TMEM181: variants seen among roughly 807,000 people sequenced by gnomAD.
TMEM181 encodes the protein transmembrane protein 181, also known as G protein-coupled receptor 178.
TMEM181 carries 39 observed loss-of-function variants against 71.9 expected under a neutral mutation model. That is an observed-to-expected ratio of 0.54 (90% CI 0.42 to 0.71). The LOEUF (loss-of-function observed/expected upper bound fraction) is 0.71, where lower values mean the gene tolerates loss of function less well. TMEM181 is among the 30% of genes least tolerant of loss of function. TMEM181 has a pLI of 0.00. For missense variants in TMEM181, 595 were observed against 583.0 expected, an observed-to-expected ratio of 1.02 and a Z score of -0.21; for synonymous variants, 245 against 228.8, an observed-to-expected ratio of 1.07 and a Z score of -0.64.
At chr6:158,583,291 A>G (rs569537637) in intron 3 of TMEM181, among the ~76,000 whole-genome samples, 1 of 152,252 alleles carries the variant, frequency 6.6e-6, no homozygotes, top group South Asian at 2.1e-4. Flanking sequence ...TTCCTTTGGT[A>G]TTCTTTATTG....
chr6:158,539,056 A>G (rs1336586777), intron 1 of TMEM181, among the ~76,000 whole-genome samples: 1 of 152,192 alleles, frequency 6.6e-6, no homozygotes, highest in Non-Finnish European at 1.5e-5. Context: ...GACAAGTGAC[A>G]TCAGCAATTT....
chr6:158,612,097 C>T (rs1199181332), intron 10 of TMEM181, among the ~76,000 whole-genome samples: 3 of 152,130 alleles, frequency 2.0e-5, no homozygotes, highest in Non-Finnish European at 4.4e-5. Context: ...CATTTACACT[C>T]CCAAAACATG....
chr6:158,593,394 T>C (rs558603029), intron 6 of TMEM181, among the ~76,000 whole-genome samples: 208 of 152,324 alleles, frequency 1.4e-3, no homozygotes, highest in African/African-American at 4.7e-3. Flanking sequence ...GTGTTTTCCT[T>C]TATTTCCCGT....
chr6:158,616,373 G>A (rs1016537109), intron 10 of TMEM181, among the ~76,000 whole-genome samples: 4 of 152,182 alleles, frequency 2.6e-5, no homozygotes, highest in African/African-American at 9.7e-5. Flanking sequence ...ATCAGCTTAA[G>A]GAGATTTTGG....
intron 10 of TMEM181, among the ~76,000 whole-genome samples, chr6:158,611,980 C>CCT (rs1785349945): frequency 7.1e-6 from 1 of 141,444 alleles, no homozygotes; most frequent in Non-Finnish European, 1.5e-5. Flanking sequence ...AGGGATACCC[C>CCT]CCCCACCTCC....
At chr6:158,631,010 G>A (rs1786632533) in intron 15 of TMEM181, among the ~76,000 whole-genome samples, 1 of 152,228 alleles carries the variant, frequency 6.6e-6, no homozygotes, top group Admixed American at 6.5e-5. Flanking sequence ...CTCTCCTGGG[G>A]CCTATGTTCA....
intron 1 of TMEM181, among the ~76,000 whole-genome samples, chr6:158,543,604 T>G (rs1467659041): frequency 6.6e-6 from 1 of 152,242 alleles, no homozygotes; most frequent in Non-Finnish European, 1.5e-5. Flanking sequence ...GCTTCAGGCT[T>G]GGCTTGTAGA....
At chr6:158,616,890 T>C (rs1785646224) in intron 10 of TMEM181, among the ~76,000 whole-genome samples, 1 of 152,238 alleles carries the variant, frequency 6.6e-6, no homozygotes, top group Non-Finnish European at 1.5e-5. Context: ...GGTTTGCCAG[T>C]ATTTTATTGA....
At chr6:158,563,331 T>A (rs6924508) in intron 1 of TMEM181, among the ~76,000 whole-genome samples, 93,781 of 151,896 alleles carry the variant, frequency 0.62, 29,833 homozygotes, top group African/African-American at 0.77. Flanking sequence ...TTTAGTAGAG[T>A]CAGGGTTTCA....
intron 6 of TMEM181, among the ~76,000 whole-genome samples, chr6:158,597,643 C>G (rs1258802786): frequency 6.6e-6 from 1 of 152,150 alleles, no homozygotes; most frequent in Non-Finnish European, 1.5e-5. Flanking sequence ...TGGAACCAGA[C>G]AGGCACACAC....
chr6:158,594,099 C>CTTTT (rs60295531), intron 6 of TMEM181, among the ~76,000 whole-genome samples: 11 of 114,034 alleles, frequency 9.6e-5, no homozygotes, highest in Non-Finnish European at 1.9e-4. Flanking sequence ...ATGGTTTTGC[C>CTTTT]TTTTTTTTTT....
chr6:158,554,689 T>G (rs1314136286), intron 1 of TMEM181, among the ~76,000 whole-genome samples: 1 of 152,212 alleles, frequency 6.6e-6, no homozygotes, highest in Non-Finnish European at 1.5e-5. Context: ...GGGTCCATGC[T>G]AGATCTTACC....
At chr6:158,618,996 T>C (rs1273533110) in intron 10 of TMEM181, among the ~76,000 whole-genome samples, 1 of 152,204 alleles carries the variant, frequency 6.6e-6, no homozygotes, top group Non-Finnish European at 1.5e-5. Flanking sequence ...AGGAGTATCT[T>C]TGTGGCGTTC....
chr6:158,606,089 C>T (rs1784931848), intron 7 of TMEM181, among the ~76,000 whole-genome samples: 1 of 151,994 alleles, frequency 6.6e-6, no homozygotes. Flanking sequence ...GACACAGGCG[C>T]GTGCACATGT....
rs573529137 is a variant in TMEM181 at position 158,574,758 on chromosome 6, C to G, written c.112+1235C>G. 9.8e-5 allele frequency among the ~76,000 whole-genome samples: 15 copies of G among 152,296 alleles called. 1 individual carries two copies. The South Asian group carries it at 2.9e-3, about 29-fold the overall frequency. On this transcript the variant is annotated intron_variant, in intron 2 of 16. Transcript: ENST00000684151. The stretch of plus-strand genomic sequence containing the variant: ...CCTATCTGCCTGCCTGCCTGCCTGT[C>G]TATCCTGTCTGTCTGTCTGTCCTGC...
At chr6:158,628,815 G>A (rs1370955707) in intron 14 of TMEM181, among the ~76,000 whole-genome samples, 1 of 152,226 alleles carries the variant, frequency 6.6e-6, no homozygotes, top group Non-Finnish European at 1.5e-5. Flanking sequence ...AGAGGGGCAG[G>A]TGCTGTGAGG....
At chr6:158,546,019 C>T (rs1468338079) in intron 1 of TMEM181, among the ~76,000 whole-genome samples, 2 of 152,166 alleles carry the variant, frequency 1.3e-5, no homozygotes, top group Non-Finnish European at 1.5e-5. Flanking sequence ...TGACCAGTTT[C>T]CCTGGCTTAT....
rs1251739903 is a variant in TMEM181, at chr6:158,570,176, T to G, written c.9-3244T>G. ...ACTCAGAAATAGCAGTGTCATTGTT[T>G]AAAAGCTACTTGAGCTTTACAGCAG... is the stretch of plus-strand genomic sequence containing the variant. On this transcript the variant is annotated intron_variant, in intron 1 of 16. Transcript: ENST00000684151. Among the ~76,000 whole-genome samples, 7 of 151,682 alleles carry G rather than the reference T, an allele frequency of 4.6e-5. No individual in the cohort carries two copies. In the East Asian group the frequency reaches 1.2e-3, roughly 25 times the overall value.
intron 1 of TMEM181, among the ~76,000 whole-genome samples, chr6:158,567,350 G>A (rs948855144): frequency 2.6e-5 from 4 of 152,248 alleles, no homozygotes; most frequent in African/African-American, 9.6e-5. Context: ...CCACCAACTT[G>A]AGGGAACAAC....
Sources: allele counts gnomAD v4.1 joint callset (sites outside exome capture counted in the v4.1 genomes callset), GRCh38; gene constraint gnomAD v4.1.1; transcripts MANE v1.5; gene names NCBI Gene and HGNC (gene_info 2026-07-23, HGNC 2026-07-21).